The following ZBTB11 variants were observed in gnomAD, a reference collection of about 807,000 sequenced individuals.
ZBTB11 encodes the protein zinc finger and BTB domain containing 11, also known as zinc finger and BTB domain-containing protein 11.
ZBTB11 carries 68 observed loss-of-function variants against 113.1 expected under a neutral mutation model. The observed-to-expected ratio is 0.60, with a 90% confidence interval of 0.49 to 0.74. The LOEUF is 0.74. Among genes scored for constraint, ZBTB11 ranks in the 30% least tolerant of loss-of-function variants. The pLI, the probability that ZBTB11 is intolerant of heterozygous loss-of-function variation, is 0.00. For synonymous variants in ZBTB11, 518 were observed against 452.6 expected (o/e 1.14, Z -1.83); for missense variants, 1,104 against 1,279.4 (o/e 0.86, Z 2.09).
At chr3:101,653,485 C>T (rs1199439154) in intron 8 of ZBTB11, among the ~76,000 whole-genome samples, 3 of 152,194 alleles carry the variant, frequency 2.0e-5, no homozygotes, top group East Asian at 3.9e-4. Flanking sequence ...CCATATGGTG[C>T]CTCAGAGAAA....
chr3:101,668,299 C>T (rs998863257), intron 3 of ZBTB11, among the ~76,000 whole-genome samples: 6 of 151,826 alleles, frequency 4.0e-5, no homozygotes, highest in South Asian at 2.1e-4. Context: ...TCTATAGCAC[C>T]GCAAGGTATA....
chr3:101,664,324 T>C (rs1936942677), intron 5 of ZBTB11, among the ~76,000 whole-genome samples: 2 of 152,218 alleles, frequency 1.3e-5, no homozygotes, highest in Non-Finnish European at 2.9e-5. Flanking sequence ...ATCTTTTTAC[T>C]ATTGTCTTAC....
intron 1 of ZBTB11, among the ~76,000 whole-genome samples, chr3:101,675,163 C>T (rs1378342809): frequency 6.6e-6 from 1 of 152,168 alleles, no homozygotes; most frequent in East Asian, 1.9e-4. Context: ...ATCAATGTTA[C>T]CTATAGTTAC....
intron 3 of ZBTB11, 60 bp downstream of exon 3, chr3:101,671,070 T>C: frequency 7.1e-7 from 1 of 1,399,238 alleles, no homozygotes; most frequent in Non-Finnish European, 1.0e-6. Context: ...AAGACATACA[T>C]ATCCCCCTCT....
intron 7 of ZBTB11, chr3:101,655,878 T>A (rs1446823296): frequency 9.5e-6 from 2 of 209,766 alleles, no homozygotes; most frequent in Non-Finnish European, 1.9e-5. Context: ...GCCAGGATGG[T>A]CTCAATCTCC....
chr3:101,671,668 C>A, intron 2 of ZBTB11: 1 of 573,996 alleles, frequency 1.7e-6, no homozygotes, highest in Non-Finnish European at 3.1e-6. Context: ...TTAATTTTAC[C>A]TTGGGGCGTA....
At chr3:101,654,489 T>C (rs776607213) in intron 8 of ZBTB11, among the ~76,000 whole-genome samples, 12 of 152,140 alleles carry the variant, frequency 7.9e-5, no homozygotes, top group African/African-American at 2.7e-4. Context: ...GGTAGTACAT[T>C]TGAAAATCTG....
intron 6 of ZBTB11, among the ~76,000 whole-genome samples, chr3:101,656,825 C>T (rs558720669): frequency 7.6e-4 from 115 of 152,082 alleles, no homozygotes; most frequent in African/African-American, 2.5e-3. Context: ...ACCAGAGGCC[C>T]AACTAATACT....
In ZBTB11 at chr3:101,656,159, A is replaced by T; in HGVS notation, c.2136T>A (p.Cys712Ter). ...TCCGTTTGGTAACAAATGACTTAAC[A>T]CACAGTTCACACTGGAACTGCTTCT... ...QSQKQFQCELCVKSFVTKRSL... is the reference protein window; with the variant it reads ...QSQKQFQCEL The change falls in exon 7 of 11, where the codon TGT (cysteine) becomes TGA (stop). Residue 712 changes from cysteine to a stop codon, truncating the protein, a stop_gained. Transcript: ENST00000312938. LOFTEE classifies it high-confidence loss of function. 1 of 1,599,542 alleles carries T rather than the reference A, an allele frequency of 6.3e-7. No individual in the cohort carries two copies. Among genetic ancestry groups the T allele is most frequent in the Non-Finnish European group, 8.5e-7 (1 of 1,173,756 alleles).
chr3:101,675,173 C>T (rs1035357785), intron 1 of ZBTB11, among the ~76,000 whole-genome samples: 4 of 152,228 alleles, frequency 2.6e-5, no homozygotes, highest in Non-Finnish European at 4.4e-5. Flanking sequence ...CCTATAGTTA[C>T]AATTATCATC....
At chr3:101,676,073 T>C (rs978531627) in intron 1 of ZBTB11, among the ~76,000 whole-genome samples, 3 of 152,238 alleles carry the variant, frequency 2.0e-5, no homozygotes, top group African/African-American at 7.2e-5. Context: ...TATTCCTTAT[T>C]TACGCAGCAG....
intron 7 of ZBTB11, among the ~76,000 whole-genome samples, chr3:101,655,666 T>C (rs531045637): frequency 7.1e-6 from 1 of 141,520 alleles, no homozygotes; most frequent in South Asian, 2.1e-4. Flanking sequence ...AGAAAACGCT[T>C]TTTTTTTTTT....
chr3:101,672,639 C>A (rs1937101686), intron 1 of ZBTB11, among the ~76,000 whole-genome samples: 1 of 152,228 alleles, frequency 6.6e-6, no homozygotes, highest in African/African-American at 2.4e-5. Context: ...TCACTAATAA[C>A]CCGGGAGGCG....
chr3:101,660,759 T>C (rs1167825359), intron 5 of ZBTB11, among the ~76,000 whole-genome samples: 5 of 152,256 alleles, frequency 3.3e-5, no homozygotes, highest in African/African-American at 1.2e-4. Flanking sequence ...ATTTCAAGGC[T>C]TACATTTTTA....
rs1436460382 is a variant in ZBTB11, at chr3:101,651,537, T to C, written c.2791A>G (p.Lys931Glu). ...EAYIDARTLR[K>E]HMTKFHRDYV... ...TCTCTGTGGAATTTAGTCATATGTT[T>C]ACGGAGTGTTCGAGCATCTATGTAG... Residue 931 changes from lysine to glutamate, a missense_variant, in exon 11 of 11, where the codon AAA becomes GAA. By Grantham distance (56) the Lys-to-Glu change is moderately conservative. This residue lies in a region of ZBTB11 where 148 missense variants were observed against 259.3 expected (regional missense o/e 0.57). Transcript: ENST00000312938. 1 of 1,614,224 alleles carries C rather than the reference T, an allele frequency of 6.2e-7. No homozygotes were observed. Among genetic ancestry groups the C allele is most frequent in the South Asian group, 1.1e-5 (1 of 91,084 alleles).
Position 101,649,601 on chromosome 3 carries a change from AAAGAT to A in ZBTB11, c.*1560_*1564del, listed in dbSNP as rs770409086. ...GGTTGAAATGTTTTTCCACTAACTG[AAAGAT>A]AAGATAAATGAGCAGCCATTATAAA... On this transcript the variant is annotated 3_prime_UTR_variant, in exon 11 of 11. Transcript: ENST00000312938. The A allele has an allele frequency of 1.3e-5, 2 of 152,516 alleles. No homozygotes were observed. The highest frequency in any genetic ancestry group is 1.9e-4 in the East Asian group (1 of 5,202). The allele number at this position is 152,516 out of a possible 1,614,324, so 9.4% of individuals were successfully genotyped here.
In ZBTB11 at chr3:101,659,995, A is replaced by G. The variant is rs941338889; in HGVS notation, c.1834T>C (p.Leu612=). 9.3e-6 allele frequency: 15 copies of G among 1,614,070 alleles called. No individual in the cohort carries two copies. In the African/African-American group the frequency reaches 1.9e-4, roughly 20 times the overall value. The change falls in exon 6 of 11, where the codon TTG becomes CTG. Residue 612 remains leucine (L), a synonymous_variant. Coordinates refer to ENST00000312938, the MANE Select transcript of ZBTB11 (RefSeq NM_014415.4). The part of the protein sequence containing the change: ...CKKQFQYSAS[L]RAHLIRHTRK... Reference sequence around the variant, plus strand: ...GTATGACGAATAAGATGTGCTCGCAAAGAGGCACTGTACTGAAACTGTTTT... The same window carrying G: ...GTATGACGAATAAGATGTGCTCGCAGAGAGGCACTGTACTGAAACTGTTTT...
intron 3 of ZBTB11, 122 bp downstream of exon 3, chr3:101,671,008 G>A (rs1247547828): frequency 7.9e-6 from 6 of 754,764 alleles, no homozygotes; most frequent in Admixed American, 2.8e-5. Flanking sequence ...GTACAGCTTA[G>A]TCTACTGTTG....
chr3:101,652,055 G>C (rs1015275102), intron 10 of ZBTB11, among the ~76,000 whole-genome samples: 1 of 152,028 alleles, frequency 6.6e-6, no homozygotes, highest in African/African-American at 2.4e-5. Context: ...CTTGAACCTG[G>C]GAGGCAGAGG....
Sources: gnomAD v4.1 joint callset for allele counts (sites outside exome capture counted in the v4.1 genomes callset) on GRCh38, gnomAD v4.1.1 for gene constraint, gnomAD v4.1.1 regional missense constraint, MANE v1.5 for transcripts, NCBI Gene and HGNC (gene_info 2026-07-23, HGNC 2026-07-21) for gene names.